Variants in FNDC3B observed in about 807,000 individuals in gnomAD.
FNDC3B encodes the protein fibronectin type III domain containing 3B.
In FNDC3B, 12 loss-of-function variants were observed where a neutral mutation model predicts 151.5. That is an observed-to-expected ratio of 0.08 (90% confidence interval 0.05 to 0.13). FNDC3B has a LOEUF of 0.13. Ranked by LOEUF, FNDC3B falls within the 10% of genes least tolerant of loss-of-function variation. The probability of loss-of-function intolerance (pLI) is 1.00; values close to 1 mark genes in which losing one functional copy is unlikely to be tolerated. For synonymous variants in FNDC3B, 528 were observed against 549.0 expected (o/e 0.96, Z 0.54); for missense variants, 1,214 against 1,505.3 (o/e 0.81, Z 3.20).
chr3:172,245,287 G>A (rs1727717041), intron 4 of FNDC3B, among the ~76,000 whole-genome samples: 1 of 152,136 alleles, frequency 6.6e-6, no homozygotes, highest in South Asian at 2.1e-4. Context: ...TTTAGTGAGA[G>A]CCCTGTTCTT....
chr3:172,117,424 G>A lies in FNDC3B; in HGVS notation c.111+4834G>A, dbSNP rs371802869. ...TTGTTATGGACTTCTGCATTTTAGC[G>A]ATTTTAAAATGTAGCAGCCAGTTTT... On this transcript the variant is annotated intron_variant, in intron 2 of 25. Coordinates refer to ENST00000415807, the MANE Select transcript of FNDC3B (RefSeq NM_022763.4). Among the ~76,000 whole-genome samples the A allele has an allele frequency of 3.7e-4, 57 of 152,192 alleles. No individual in the cohort carries two copies. The South Asian group carries it at 0.011, about 30-fold the overall frequency.
intron 7 of FNDC3B, among the ~76,000 whole-genome samples, chr3:172,291,091 A>T (rs1730304995): frequency 6.6e-6 from 1 of 152,348 alleles, no homozygotes; most frequent in South Asian, 2.1e-4. Flanking sequence ...TCAGAAAAAA[A>T]TGGAAAATTT....
At chr3:172,341,483 C>T (rs562108092) in intron 17 of FNDC3B, among the ~76,000 whole-genome samples, 63 of 152,298 alleles carry the variant, frequency 4.1e-4, no homozygotes, top group South Asian at 1.5e-3. Context: ...AAGGCTTTGA[C>T]ATAATCACCT....
chr3:172,264,130 A>G (rs1302902981), intron 6 of FNDC3B, among the ~76,000 whole-genome samples: 1 of 152,050 alleles, frequency 6.6e-6, no homozygotes, highest in Non-Finnish European at 1.5e-5. Context: ...GGAACTACAG[A>G]CATGTGCCAC....
At chr3:172,191,112 A>T (rs1724488997) in intron 3 of FNDC3B, among the ~76,000 whole-genome samples, 1 of 152,242 alleles carries the variant, frequency 6.6e-6, no homozygotes, top group Non-Finnish European at 1.5e-5. Flanking sequence ...CTTATGTTCC[A>T]GACGAAGAGA....
At chr3:172,308,648 G>A (rs1281795338) in intron 10 of FNDC3B, among the ~76,000 whole-genome samples, 1 of 152,204 alleles carries the variant, frequency 6.6e-6, no homozygotes, top group African/African-American at 2.4e-5. Flanking sequence ...ATAGCCAGTG[G>A]CCAGCATTGA....
intron 23 of FNDC3B, among the ~76,000 whole-genome samples, chr3:172,375,001 A>G (rs1477771200): frequency 3.9e-4 from 5 of 12,802 alleles, no homozygotes; most frequent in Admixed American, 1.2e-3. Context: ...AATGATTTTC[A>G]TAGTATAAAA....
chr3:172,048,856 C>G (rs917912460), intron 1 of FNDC3B, among the ~76,000 whole-genome samples: 1 of 152,028 alleles, frequency 6.6e-6, no homozygotes, highest in Admixed American at 6.6e-5. Context: ...ATAAGCCGGA[C>G]ACAAGAAGAT....
At chr3:172,311,446 G>A (rs937384434) in intron 11 of FNDC3B, among the ~76,000 whole-genome samples, 1 of 152,084 alleles carries the variant, frequency 6.6e-6, no homozygotes, top group African/African-American at 2.4e-5. Context: ...GGTATCTACG[G>A]TGGAGTGTCC....
chr3:172,176,263 A>G lies in FNDC3B; in HGVS notation c.187+42717A>G, dbSNP rs182101259. Among the ~76,000 whole-genome samples, 59 of 152,356 alleles carry G rather than the reference A, an allele frequency of 3.9e-4. No individual in the cohort carries two copies. The Middle Eastern group carries it at 0.01, about 26-fold the overall frequency. On this transcript the variant is annotated intron_variant, in intron 3 of 25. Transcript: ENST00000415807. The stretch of plus-strand genomic sequence containing the variant: ...CTTTTGGTTTCTAAGCCCAAATGAG[A>G]TTACAACCAGCAAATTTTAAAGAAG...
Position 172,295,343 on chromosome 3 carries a change from C to G in FNDC3B, c.850-20C>G, listed in dbSNP as rs368660656. 143 of 1,597,086 alleles carry G rather than the reference C, an allele frequency of 9.0e-5. No individual in the cohort carries two copies. The highest frequency in any genetic ancestry group is 1.1e-4 in the Non-Finnish European group (131 of 1,173,970). On this transcript the variant is annotated intron_variant, in intron 7 of 25. Coordinates refer to ENST00000415807, the MANE Select transcript of FNDC3B (RefSeq NM_022763.4). Reference sequence around the variant, plus strand: ...GTAAAATGGATTTGAATACTTTTGTCCCATGTTTTTCTTCCTCAGGTTTCT... The same window carrying G: ...GTAAAATGGATTTGAATACTTTTGTGCCATGTTTTTCTTCCTCAGGTTTCT...
intron 3 of FNDC3B, among the ~76,000 whole-genome samples, chr3:172,177,876 G>A (rs893553131): frequency 3.3e-5 from 5 of 151,808 alleles, no homozygotes; most frequent in Non-Finnish European, 2.9e-5. Flanking sequence ...ACAGGCCCCA[G>A]TGTGTGTTGT....
At chr3:172,128,533 A>G (rs1720913600) in intron 2 of FNDC3B, among the ~76,000 whole-genome samples, 1 of 152,000 alleles carries the variant, frequency 6.6e-6, no homozygotes, top group African/African-American at 2.4e-5. Context: ...GGGGCCTGGG[A>G]AGAGCTTGGA....
intron 9 of FNDC3B, among the ~76,000 whole-genome samples, chr3:172,299,046 G>T (rs541767372): frequency 6.6e-6 from 1 of 152,298 alleles, no homozygotes; most frequent in African/African-American, 2.4e-5. Flanking sequence ...GGTCTTCTAA[G>T]ATCTATTGGA....
chr3:172,391,668 T>A (rs1736014611), intron 25 of FNDC3B, among the ~76,000 whole-genome samples: 1 of 152,222 alleles, frequency 6.6e-6, no homozygotes, highest in Non-Finnish European at 1.5e-5. Context: ...AGATGTCAGC[T>A]TTTCTCCAAC....
At chr3:172,306,568 A>T (rs552353811) in intron 9 of FNDC3B, among the ~76,000 whole-genome samples, 1 of 152,346 alleles carries the variant, frequency 6.6e-6, no homozygotes, top group South Asian at 2.1e-4. Flanking sequence ...ATAAATTCCC[A>T]GTATAAAAAA....
At chr3:172,241,894 A>G (rs4894529) in intron 4 of FNDC3B, among the ~76,000 whole-genome samples, 95,524 of 152,184 alleles carry the variant, frequency 0.63, 32,239 homozygotes, top group African/African-American at 0.9. Context: ...TCTGAGACAA[A>G]GCAAGTCCCT....
At chr3:172,122,005 T>A (rs182280385) in intron 2 of FNDC3B, among the ~76,000 whole-genome samples, 102 of 152,362 alleles carry the variant, frequency 6.7e-4, no homozygotes, top group African/African-American at 2.2e-3. Context: ...ATGTATCTCA[T>A]AGTACAGTAA....
intron 6 of FNDC3B, among the ~76,000 whole-genome samples, chr3:172,266,024 T>C (rs1390924976): frequency 6.6e-6 from 1 of 152,212 alleles, no homozygotes; most frequent in East Asian, 1.9e-4. Flanking sequence ...TTCTCAATCT[T>C]TTTTATCCCT....
Sources: allele counts gnomAD v4.1 joint callset (sites outside exome capture counted in the v4.1 genomes callset), GRCh38; gene constraint gnomAD v4.1.1; transcripts MANE v1.5; gene names NCBI Gene and HGNC (gene_info 2026-07-23, HGNC 2026-07-21).